The following SPOCK1 variants were observed in gnomAD, a reference collection of about 807,000 sequenced individuals.
The protein encoded by SPOCK1 is testican-1.
Under a neutral mutation model 55.3 loss-of-function variants are expected in SPOCK1, and 23 were observed. That is an observed-to-expected ratio of 0.42 (90% CI 0.30 to 0.59). The LOEUF (loss-of-function observed/expected upper bound fraction) is 0.59. SPOCK1 is among the 20% of genes least tolerant of loss of function. The probability of loss-of-function intolerance (pLI) is 0.22; values close to 1 mark genes in which losing one functional copy is unlikely to be tolerated. For synonymous variants in SPOCK1, 226 were observed against 221.0 expected (o/e 1.02, Z -0.20); for missense variants, 499 against 552.5 (o/e 0.90, Z 0.97).
intron 2 of SPOCK1, among the ~76,000 whole-genome samples, chr5:137,498,095 T>C (rs1412168670): frequency 6.6e-6 from 1 of 152,096 alleles, no homozygotes; most frequent in Non-Finnish European, 1.5e-5. Flanking sequence ...TGCTGTATTT[T>C]AGTGCAGTCA....
intron 3 of SPOCK1, among the ~76,000 whole-genome samples, chr5:137,185,819 C>G (rs1580796544): frequency 6.6e-6 from 1 of 152,194 alleles, no homozygotes; most frequent in East Asian, 1.9e-4. Flanking sequence ...AAGATGCAAG[C>G]TGTGTCTCTG....
At chr5:137,083,700 G>A (rs1199878697) in intron 5 of SPOCK1, among the ~76,000 whole-genome samples, 1 of 152,072 alleles carries the variant, frequency 6.6e-6, no homozygotes, top group Non-Finnish European at 1.5e-5. Context: ...CTATGGGAGA[G>A]CCGAAAACTG....
intron 5 of SPOCK1, among the ~76,000 whole-genome samples, chr5:137,088,055 G>A (rs1036197305): frequency 3.9e-5 from 6 of 152,188 alleles, no homozygotes; most frequent in African/African-American, 9.7e-5. Context: ...CAGCTTGTCA[G>A]GTCTAGATTC....
chr5:137,055,172 C>A (rs996665972), intron 6 of SPOCK1, among the ~76,000 whole-genome samples: 28 of 152,202 alleles, frequency 1.8e-4, no homozygotes, highest in African/African-American at 6.8e-4. Flanking sequence ...GCTCCATATG[C>A]AGACCCATGA....
chr5:137,306,752 T>C (rs7716387), intron 2 of SPOCK1, among the ~76,000 whole-genome samples: 37,299 of 152,054 alleles, frequency 0.25, 4,936 homozygotes, highest in East Asian at 0.38. Context: ...GTGCATAGCT[T>C]TTTAAAGTTT....
At chr5:137,093,932 G>T (rs1228837460) in intron 5 of SPOCK1, among the ~76,000 whole-genome samples, 3 of 152,178 alleles carry the variant, frequency 2.0e-5, no homozygotes, top group Admixed American at 6.5e-5. Flanking sequence ...TCACTCAGCT[G>T]CTCTGTGAAG....
chr5:137,165,162 G>T (rs1754623473), intron 3 of SPOCK1, among the ~76,000 whole-genome samples: 1 of 152,210 alleles, frequency 6.6e-6, no homozygotes, highest in African/African-American at 2.4e-5. Context: ...GGTCCTAGGG[G>T]TGGTGGCCAC....
chr5:137,065,943 G>A (rs2127005362), intron 6 of SPOCK1, among the ~76,000 whole-genome samples: 1 of 152,252 alleles, frequency 6.6e-6, no homozygotes, highest in East Asian at 1.9e-4. Context: ...CACACCTGGA[G>A]TGTCAGTCTC....
At chr5:137,263,356 C>A (rs1756788428) in intron 3 of SPOCK1, among the ~76,000 whole-genome samples, 1 of 152,158 alleles carries the variant, frequency 6.6e-6, no homozygotes, top group Admixed American at 6.5e-5. Context: ...ATCTTGCTGA[C>A]CCAGATCCCC....
intron 2 of SPOCK1, among the ~76,000 whole-genome samples, chr5:137,269,824 T>G (rs1194577714): frequency 6.6e-6 from 1 of 152,096 alleles, no homozygotes; most frequent in African/African-American, 2.4e-5. Flanking sequence ...GACATAAGGA[T>G]AGTTGTCAGT....
At chr5:137,486,000 A>G (rs1754047420) in intron 2 of SPOCK1, among the ~76,000 whole-genome samples, 1 of 152,180 alleles carries the variant, frequency 6.6e-6, no homozygotes, top group South Asian at 2.1e-4. Flanking sequence ...CTATGCTCCA[A>G]TGAAACACAC....
chr5:137,384,683 T>C (rs1751562975), intron 2 of SPOCK1, among the ~76,000 whole-genome samples: 2 of 151,924 alleles, frequency 1.3e-5, no homozygotes, highest in African/African-American at 4.8e-5. Context: ...TCTTCCAGTT[T>C]CTAGTGGCAC....
intron 4 of SPOCK1, among the ~76,000 whole-genome samples, chr5:137,113,858 T>C (rs1753522044): frequency 6.6e-6 from 1 of 152,178 alleles, no homozygotes; most frequent in African/African-American, 2.4e-5. Context: ...GACGGAAATA[T>C]TTTCTACCAG....
intron 3 of SPOCK1, among the ~76,000 whole-genome samples, chr5:137,203,765 G>A (rs1755470065): frequency 6.6e-6 from 1 of 152,120 alleles, no homozygotes; most frequent in Admixed American, 6.5e-5. Flanking sequence ...TTGATTTATA[G>A]GGTGCTTTCT....
intron 5 of SPOCK1, among the ~76,000 whole-genome samples, chr5:137,100,875 G>GA (rs57089475): frequency 0.44 from 64,129 of 146,962 alleles, 14,242 homozygotes; most frequent in East Asian, 0.54. Context: ...TCCGAAAGGG[G>GA]AAAAAAAAAA....
intron 2 of SPOCK1, among the ~76,000 whole-genome samples, chr5:137,465,498 T>C (rs1475609335): frequency 6.6e-6 from 1 of 152,062 alleles, no homozygotes; most frequent in African/African-American, 2.4e-5. Flanking sequence ...CTCAACTTGA[T>C]TCTTGTTTAG....
At chr5:137,069,690 C>T (rs1752573821) in intron 5 of SPOCK1, among the ~76,000 whole-genome samples, 2 of 152,222 alleles carry the variant, frequency 1.3e-5, no homozygotes, top group South Asian at 4.1e-4. Flanking sequence ...GAGCCGGACA[C>T]AGCTGCCATG....
At chr5:137,208,054 A>C (rs1346758400) in intron 3 of SPOCK1, among the ~76,000 whole-genome samples, 2 of 152,158 alleles carry the variant, frequency 1.3e-5, no homozygotes, top group African/African-American at 4.8e-5. Context: ...CCCACAAAAG[A>C]GCCAGCCTCA....
intron 6 of SPOCK1, among the ~76,000 whole-genome samples, chr5:137,022,091 T>C (rs188811965): frequency 1.3e-5 from 2 of 152,046 alleles, no homozygotes; most frequent in African/African-American, 4.8e-5. Context: ...ACCTACAGAG[T>C]ATGGAAGGAC....
Sources: gnomAD v4.1 joint callset for allele counts (sites outside exome capture counted in the v4.1 genomes callset) on GRCh38, gnomAD v4.1.1 for gene constraint, MANE v1.5 for transcripts, NCBI Gene and HGNC (gene_info 2026-07-23, HGNC 2026-07-21) for gene names.